The following PAK5 variants were observed in gnomAD, a reference collection of about 807,000 sequenced individuals.
The protein encoded by PAK5 is serine/threonine-protein kinase PAK 5.
PAK5 carries 16 observed loss-of-function variants against 65.9 expected under a neutral mutation model. That is an observed-to-expected ratio of 0.24 (90% CI 0.16 to 0.37). The LOEUF (loss-of-function observed/expected upper bound fraction) is 0.37. Ranked by LOEUF, PAK5 falls within the 10% of genes least tolerant of loss-of-function variation. The pLI, the probability that PAK5 is intolerant of heterozygous loss-of-function variation, is 1.00. For missense variants in PAK5, 785 were observed against 903.9 expected (o/e 0.87, Z 1.69); for synonymous variants, 371 against 354.9 (o/e 1.05, Z -0.51).
At chr20:9,659,744 G>T (rs2047318725) in intron 2 of PAK5, among the ~76,000 whole-genome samples, 1 of 152,082 alleles carries the variant, frequency 6.6e-6, no homozygotes. Context: ...TTAGGGTTTT[G>T]TTTGTTTCTT....
At chr20:9,715,319 A>T (rs1252507686) in intron 1 of PAK5, among the ~76,000 whole-genome samples, 7 of 152,134 alleles carry the variant, frequency 4.6e-5, no homozygotes, top group Non-Finnish European at 1.0e-4. Flanking sequence ...TGGCCATCAG[A>T]GAAATGCAAA....
chr20:9,600,083 C>A (rs575769415), intron 3 of PAK5, among the ~76,000 whole-genome samples: 2 of 152,052 alleles, frequency 1.3e-5, no homozygotes, highest in Non-Finnish European at 2.9e-5. Flanking sequence ...CCAGTTCTCC[C>A]GGCGTTATTT....
At chr20:9,618,573 ATT>A (rs369338054) in intron 3 of PAK5, among the ~76,000 whole-genome samples, 179 of 144,768 alleles carry the variant, frequency 1.2e-3, no homozygotes, top group African/African-American at 4.4e-3. Context: ...GGCCCAGCTA[ATT>A]TTTTTTTTTT....
rs138927166 is a variant in PAK5, at chr20:9,553,098, G to A, written c.1743+4510C>T. On this transcript the variant is annotated intron_variant, in intron 7 of 9. Coordinates refer to ENST00000353224, the MANE Select transcript of PAK5 (RefSeq NM_177990.4). ...GTGCACCCGTCTCTCCCTAGTATTC[G>A]CATCTTACACGGCTACAGTACAATA... 4.6e-4 allele frequency among the ~76,000 whole-genome samples: 70 copies of A among 152,072 alleles called. No individual in the cohort carries two copies. In the Middle Eastern group the frequency reaches 0.01, roughly 22 times the overall value.
intron 3 of PAK5, among the ~76,000 whole-genome samples, chr20:9,618,697 G>A (rs2046708276): frequency 6.6e-6 from 1 of 151,866 alleles, no homozygotes; most frequent in African/African-American, 2.4e-5. Flanking sequence ...ACAGGCGTGA[G>A]CCACTGCGCC....
chr20:9,597,385 G>T (rs2046289749), intron 3 of PAK5, among the ~76,000 whole-genome samples: 1 of 152,228 alleles, frequency 6.6e-6, no homozygotes, highest in South Asian at 2.1e-4. Flanking sequence ...ACTGAGGTTT[G>T]TGTATGCTTT....
chr20:9,823,817 G>C (rs185123724), intron 1 of PAK5, among the ~76,000 whole-genome samples: 8 of 74,976 alleles, frequency 1.1e-4, no homozygotes, highest in African/African-American at 2.9e-4. Flanking sequence ...GTCTGTTTCT[G>C]GGGGGGAAAT....
At chr20:9,758,119 G>A (rs1340252747) in intron 1 of PAK5, among the ~76,000 whole-genome samples, 1 of 152,162 alleles carries the variant, frequency 6.6e-6, no homozygotes, top group African/African-American at 2.4e-5. Flanking sequence ...AATAGCAAAT[G>A]TATGCGATAC....
At chr20:9,711,631 C>G (rs1459275212) in intron 1 of PAK5, among the ~76,000 whole-genome samples, 196 bp from the exon 2 acceptor site, 1 of 152,092 alleles carries the variant, frequency 6.6e-6, no homozygotes, top group East Asian at 1.9e-4. Context: ...GATTAGACTC[C>G]TCTTAGTACC....
rs73246919 is a variant in PAK5, at chr20:9,795,522, C to T, written c.-162+43240G>A. On this transcript the variant is annotated intron_variant, in intron 1 of 9. Transcript: ENST00000353224. ...CTCATAAAATTATCTTTTGTTGACA[C>T]CCAATTATATACAATAAATGGATCT... Among the ~76,000 whole-genome samples, 388 of 152,148 alleles carry T rather than the reference C, an allele frequency of 2.6e-3. 3 individuals are homozygous for T. The highest frequency in any genetic ancestry group is 8.8e-3 in the African/African-American group (364 of 41,536).
intron 3 of PAK5, among the ~76,000 whole-genome samples, chr20:9,596,497 G>A (rs1025090212): frequency 4.6e-5 from 7 of 151,940 alleles, no homozygotes; most frequent in South Asian, 2.1e-4. Context: ...TTAGCCGGGC[G>A]TGGTGGTGGG....
At chr20:9,622,739 A>ATCATTTG (rs2046788507) in intron 3 of PAK5, among the ~76,000 whole-genome samples, 3 of 152,180 alleles carry the variant, frequency 2.0e-5, no homozygotes, top group Non-Finnish European at 4.4e-5. Context: ...TCCTTATGAG[A>ATCATTTG]ATCTAATGCC....
At chr20:9,763,749 TGGA>T (rs971120296) in intron 1 of PAK5, among the ~76,000 whole-genome samples, 24 of 152,078 alleles carry the variant, frequency 1.6e-4, no homozygotes, top group Non-Finnish European at 2.5e-4. Flanking sequence ...GTTGCAAGAG[TGGA>T]AGAATTAATG....
At chr20:9,621,847 G>T (rs1371334065) in intron 3 of PAK5, among the ~76,000 whole-genome samples, 1 of 152,170 alleles carries the variant, frequency 6.6e-6, no homozygotes, top group Non-Finnish European at 1.5e-5. Context: ...GGTAATAAAA[G>T]TCAGAATTGC....
intron 1 of PAK5, among the ~76,000 whole-genome samples, chr20:9,773,758 A>G (rs1034379785): frequency 2.0e-5 from 3 of 152,176 alleles, no homozygotes; most frequent in Non-Finnish European, 4.4e-5. Flanking sequence ...ATATTTTATT[A>G]TTTAATTCTC....
intron 3 of PAK5, among the ~76,000 whole-genome samples, chr20:9,590,620 A>AG (rs1491526614): frequency 2.1e-5 from 1 of 47,656 alleles, no homozygotes; most frequent in East Asian, 1.2e-3. Context: ...GGGCTGTGCC[A>AG]AAAAAAAAAA....
intron 3 of PAK5, among the ~76,000 whole-genome samples, chr20:9,627,545 C>A (rs548687391): frequency 9.8e-5 from 15 of 152,334 alleles, no homozygotes; most frequent in Non-Finnish European, 2.1e-4. Context: ...TGGAAGCCTG[C>A]CCTTAGAAAC....
intron 1 of PAK5, among the ~76,000 whole-genome samples, chr20:9,731,342 A>C (rs1370707213): frequency 6.6e-6 from 1 of 152,218 alleles, no homozygotes; most frequent in African/African-American, 2.4e-5. Context: ...TATAACCAAA[A>C]TATCACCATT....
At chr20:9,756,487 T>A (rs2048635610) in intron 1 of PAK5, among the ~76,000 whole-genome samples, 1 of 152,024 alleles carries the variant, frequency 6.6e-6, no homozygotes, top group African/African-American at 2.4e-5. Flanking sequence ...CAGCCTCCCA[T>A]CCCGGCAGCT....
Sources: allele counts gnomAD v4.1 joint callset (sites outside exome capture counted in the v4.1 genomes callset), GRCh38; gene constraint gnomAD v4.1.1; transcripts MANE v1.5; gene names NCBI Gene and HGNC (gene_info 2026-07-23, HGNC 2026-07-21).